Variants in TUSC3 observed in about 807,000 individuals in gnomAD.
TUSC3 encodes the protein tumor suppressor candidate 3.
Under a neutral mutation model 44.8 loss-of-function variants are expected in TUSC3, and 45 were observed. The observed-to-expected ratio is 1.00, with a 90% confidence interval of 0.79 to 1.29. The LOEUF is 1.29. TUSC3 is among the 50% of genes most tolerant of loss of function. The probability of loss-of-function intolerance (pLI) is 0.00; values close to 1 mark genes in which losing one functional copy is unlikely to be tolerated. For synonymous variants in TUSC3, 212 were observed against 152.9 expected (o/e 1.39, Z -2.85); for missense variants, 519 against 437.9 (o/e 1.19, Z -1.65).
chr8:15,569,024 T>A (rs1802773268), intron 1 of TUSC3, among the ~76,000 whole-genome samples: 1 of 152,186 alleles, frequency 6.6e-6, no homozygotes. Context: ...TTACATTAGA[T>A]AGTTTTGCTA....
chr8:15,476,113 T>C (rs1276777085), intron 1 of TUSC3, among the ~76,000 whole-genome samples: 3 of 152,218 alleles, frequency 2.0e-5, no homozygotes, highest in African/African-American at 7.2e-5. Flanking sequence ...GTGCAGCCTG[T>C]ACCCAAAGAA....
chr8:15,567,254 T>G (rs1355893165), intron 1 of TUSC3, among the ~76,000 whole-genome samples: 1 of 152,172 alleles, frequency 6.6e-6, no homozygotes, highest in Non-Finnish European at 1.5e-5. Context: ...AGAAGAACAC[T>G]GAAGTTAGTA....
chr8:15,656,535 C>G (rs115249449), intron 3 of TUSC3, among the ~76,000 whole-genome samples: 2,142 of 152,232 alleles, frequency 0.014, 45 homozygotes, highest in African/African-American at 0.048. Flanking sequence ...CATTCCACGT[C>G]CCATCATCTG....
At chr8:15,418,516 A>C (rs561048431) in intron 1 of TUSC3, among the ~76,000 whole-genome samples, 44 of 152,344 alleles carry the variant, frequency 2.9e-4, no homozygotes, top group African/African-American at 1.0e-3. Flanking sequence ...AAAAACTATT[A>C]ATAGCTAGAG....
At chr8:15,493,969 T>C (rs768616374) in intron 2 of TUSC3, among the ~76,000 whole-genome samples, 2 of 152,206 alleles carry the variant, frequency 1.3e-5, no homozygotes, top group Non-Finnish European at 2.9e-5. Context: ...GTTTGCCCTT[T>C]GATTTACAAG....
chr8:15,469,216 T>C (rs1800452971), intron 1 of TUSC3, among the ~76,000 whole-genome samples: 2 of 152,168 alleles, frequency 1.3e-5, no homozygotes, highest in South Asian at 4.1e-4. Flanking sequence ...GTCTAGAGAA[T>C]GAGAAGACAA....
In TUSC3 at chr8:15,621,803, A is replaced by G. The variant is rs549952960; in HGVS notation, c.139-1277A>G. Among the ~76,000 whole-genome samples the G allele has an allele frequency of 3.4e-4, 51 of 150,720 alleles. No homozygotes were observed. In the South Asian group the frequency reaches 0.011, roughly 31 times the overall value. On this transcript the variant is annotated intron_variant, in intron 1 of 10. Coordinates refer to ENST00000503731, the MANE Select transcript of TUSC3 (RefSeq NM_006765.4). Reference sequence around the variant, plus strand: ...TTTAAAAAAAAAACACAGCCGAGTCATTAGCTGTGATTTTTCTTTTTCATA... The same window carrying G: ...TTTAAAAAAAAAACACAGCCGAGTCGTTAGCTGTGATTTTTCTTTTTCATA...
intron 6 of TUSC3, among the ~76,000 whole-genome samples, chr8:15,711,448 A>G (rs949148310): frequency 1.4e-5 from 2 of 142,460 alleles, no homozygotes; most frequent in African/African-American, 5.2e-5. Context: ...CAGGTTTTAG[A>G]AAAACAAAAA....
At chr8:15,648,501 C>CA (rs1554467654) in intron 2 of TUSC3, among the ~76,000 whole-genome samples, 14 of 151,176 alleles carry the variant, frequency 9.3e-5, no homozygotes, top group South Asian at 2.1e-4. Context: ...CTGAGGCGGG[C>CA]GGATCACGAG....
intron 2 of TUSC3, among the ~76,000 whole-genome samples, chr8:15,491,688 A>T (rs1400839017): frequency 6.6e-6 from 1 of 152,178 alleles, no homozygotes; most frequent in African/African-American, 2.4e-5. Flanking sequence ...GAGGCTGGAG[A>T]AACTAAGGCT....
intron 5 of TUSC3, among the ~76,000 whole-genome samples, chr8:15,666,158 A>G (rs751284294): frequency 1.3e-5 from 2 of 151,510 alleles, no homozygotes; most frequent in Non-Finnish European, 3.0e-5. Context: ...GCACATAATG[A>G]AGATCTTCAT....
chr8:15,746,166 AAGGTAAATAAG>A (rs1328594795), intron 8 of TUSC3, among the ~76,000 whole-genome samples: 1 of 152,066 alleles, frequency 6.6e-6, no homozygotes, highest in Admixed American at 6.6e-5. Flanking sequence ...ATCCTGTCTT[AAGGTAAATAAG>A]AAATTTGTAG....
At position 15,601,112 on chromosome 8, in the gene TUSC3, C is replaced by T. The variant is rs543832807; in HGVS notation, c.139-21968C>T. Among the ~76,000 whole-genome samples the T allele has an allele frequency of 7.3e-5, 11 of 151,692 alleles. No individual in the cohort carries two copies. The South Asian group carries it at 2.3e-3, about 32-fold the overall frequency. ...AAGGTCAGCAGATTTGTTACAGTAT[C>T]CATAGGTAGCAAGCTTAAGGTTAGT... On this transcript the variant is annotated intron_variant, in intron 1 of 10. Transcript: ENST00000503731.
intron 7 of TUSC3, among the ~76,000 whole-genome samples, chr8:15,733,108 T>C (rs184590912): frequency 6.6e-6 from 1 of 152,132 alleles, no homozygotes; most frequent in African/African-American, 2.4e-5. Flanking sequence ...GGTAAGAGAT[T>C]AATGCTTTCT....
intron 1 of TUSC3, among the ~76,000 whole-genome samples, chr8:15,615,920 C>T (rs1487066510): frequency 6.6e-6 from 1 of 152,130 alleles, no homozygotes; most frequent in South Asian, 2.1e-4. Flanking sequence ...GTGGCTTGAA[C>T]TTGTGGACTC....
intron 1 of TUSC3, among the ~76,000 whole-genome samples, chr8:15,583,053 T>G (rs1803439468): frequency 6.6e-6 from 1 of 152,126 alleles, no homozygotes; most frequent in Non-Finnish European, 1.5e-5. Flanking sequence ...GACCATGAAG[T>G]TGATCAATAT....
intron 6 of TUSC3, among the ~76,000 whole-genome samples, chr8:15,703,448 T>C (rs183600324): frequency 6.6e-6 from 1 of 152,248 alleles, no homozygotes; most frequent in East Asian, 1.9e-4. Context: ...TTTTAAACAT[T>C]CATTAGTGAT....
intron 6 of TUSC3, among the ~76,000 whole-genome samples, chr8:15,697,376 G>C (rs1809212974): frequency 6.6e-6 from 1 of 152,082 alleles, no homozygotes; most frequent in Admixed American, 6.6e-5. Context: ...ACCTTAGATG[G>C]TCTGTTTATG....
chr8:15,687,625 C>T (rs1413480438), intron 6 of TUSC3, among the ~76,000 whole-genome samples: 5 of 152,090 alleles, frequency 3.3e-5, no homozygotes, highest in African/African-American at 9.7e-5. Context: ...TCTTGATTGC[C>T]AGCCCAGACT....
Sources: gnomAD v4.1 joint callset for allele counts (sites outside exome capture counted in the v4.1 genomes callset) on GRCh38, gnomAD v4.1.1 for gene constraint, MANE v1.5 for transcripts, NCBI Gene and HGNC (gene_info 2026-07-23, HGNC 2026-07-21) for gene names.